Variants in ZNF385D observed in about 807,000 individuals in gnomAD.
ZNF385D encodes zinc finger protein 385D.
ZNF385D carries 15 observed loss-of-function variants against 35.8 expected under a neutral mutation model. The ratio of observed to expected loss-of-function variants is 0.42; its 90% CI spans 0.28 to 0.64. The LOEUF is 0.64. Among genes scored for constraint, ZNF385D ranks in the 30% least tolerant of loss-of-function variants. The pLI is 0.23. For missense variants in ZNF385D, 474 were observed against 494.6 expected (o/e 0.96, Z 0.39); for synonymous variants, 212 against 186.8 (o/e 1.13, Z -1.10).
chr3:22,025,116 A>G (rs1697458163), intron 3 of ZNF385D, among the ~76,000 whole-genome samples: 1 of 152,248 alleles, frequency 6.6e-6, no homozygotes, highest in South Asian at 2.1e-4. Flanking sequence ...GGGGACACTG[A>G]GTTTGTAAAT....
intron 3 of ZNF385D, among the ~76,000 whole-genome samples, chr3:21,556,723 G>A (rs1254943583): frequency 1.3e-5 from 2 of 151,546 alleles, no homozygotes; most frequent in Non-Finnish European, 3.0e-5. Flanking sequence ...AGAGTTAATG[G>A]TAGCTTGATG....
rs530662770 is a variant in ZNF385D, at chr3:21,444,947, C to A, written c.440-7744G>T. ...CCAGGTCACACACCTTGACTTGGGT[C>A]AGGCAACTGAGGGTTAAGCTAATGA... is the stretch of plus-strand genomic sequence containing the variant. On this transcript the variant is annotated intron_variant, in intron 4 of 7. Coordinates refer to ENST00000281523, the MANE Select transcript of ZNF385D (RefSeq NM_024697.3). Among the ~76,000 whole-genome samples, 185 of 152,260 alleles carry A rather than the reference C, an allele frequency of 1.2e-3. 1 individual carries two copies. The highest frequency in any genetic ancestry group is 6.8e-3 in the Middle Eastern group (2 of 294).
chr3:22,118,399 G>A (rs1244087331), intron 3 of ZNF385D, among the ~76,000 whole-genome samples: 2 of 151,996 alleles, frequency 1.3e-5, no homozygotes, highest in African/African-American at 4.8e-5. Context: ...AGAAATCCAA[G>A]CATGATGCTT....
chr3:22,005,884 G>C (rs551008379), intron 3 of ZNF385D, among the ~76,000 whole-genome samples: 43 of 152,122 alleles, frequency 2.8e-4, no homozygotes, highest in African/African-American at 1.0e-3. Flanking sequence ...GGAAAATATA[G>C]GTACTAAAGG....
chr3:21,613,240 A>G (rs987594853), intron 2 of ZNF385D, among the ~76,000 whole-genome samples: 2 of 152,130 alleles, frequency 1.3e-5, no homozygotes, highest in Non-Finnish European at 2.9e-5. Flanking sequence ...AGCTGAATGT[A>G]TACCCAACTC....
At position 22,286,889 on chromosome 3, in the gene ZNF385D, C is replaced by A. The variant is rs538077182; in HGVS notation, c.106+85561G>T. On this transcript the variant is annotated intron_variant, in intron 2 of 5. Coordinates refer to the ZNF385D transcript ENST00000494108. ...AATGTCCTACATGTGTTGGTTAGAT[C>A]CATCTGCTGTAAAGTGTAGTCCAAG... Among the ~76,000 whole-genome samples, 119 of 152,160 alleles carry A rather than the reference C, an allele frequency of 7.8e-4. 3 individuals are homozygous for A. The South Asian group carries it at 0.024, about 31-fold the overall frequency.
intron 2 of ZNF385D, among the ~76,000 whole-genome samples, chr3:22,217,734 G>T (rs541409682): frequency 4.1e-4 from 62 of 152,246 alleles, no homozygotes; most frequent in African/African-American, 1.4e-3. Flanking sequence ...TGAAAAGAAG[G>T]AGTAGAGAAC....
At chr3:21,568,782 C>G (rs187130217) in intron 2 of ZNF385D, among the ~76,000 whole-genome samples, 6 of 152,110 alleles carry the variant, frequency 3.9e-5, no homozygotes, top group African/African-American at 1.4e-4. Flanking sequence ...AAATACTGAT[C>G]TGAGAAAATT....
At chr3:21,932,274 C>A (rs575000582) in intron 3 of ZNF385D, among the ~76,000 whole-genome samples, 2 of 145,822 alleles carry the variant, frequency 1.4e-5, no homozygotes, top group South Asian at 4.5e-4. Context: ...GATATCTTTA[C>A]AACAAATATC....
chr3:21,638,593 C>A (rs1268476500), intron 2 of ZNF385D, among the ~76,000 whole-genome samples: 1 of 152,066 alleles, frequency 6.6e-6, no homozygotes, highest in Non-Finnish European at 1.5e-5. Flanking sequence ...AGTTATTTAT[C>A]TCTGACCTAG....
intron 3 of ZNF385D, among the ~76,000 whole-genome samples, chr3:21,831,521 A>G (rs1224889587): frequency 6.6e-6 from 1 of 152,136 alleles, no homozygotes; most frequent in Non-Finnish European, 1.5e-5. Context: ...TTAAACTCAG[A>G]CCTTTCTACA....
chr3:21,942,050 T>C lies in ZNF385D; in HGVS notation c.325+226767A>G, dbSNP rs374299619. Among the ~76,000 whole-genome samples the C allele has an allele frequency of 2.0e-5, 3 of 152,270 alleles. No individual in the cohort carries two copies. The South Asian group carries it at 6.2e-4, about 32-fold the overall frequency. On this transcript the variant is annotated intron_variant, in intron 3 of 5. Coordinates refer to the ZNF385D transcript ENST00000494108. ...AAAGAAAATATATACAACATACACA[T>C]GTGTATTGTCAAATGTATATGTTAT...
intron 3 of ZNF385D, among the ~76,000 whole-genome samples, chr3:21,557,059 G>A (rs969998037): frequency 3.3e-5 from 5 of 152,182 alleles, no homozygotes. Context: ...AGTGTTAGGA[G>A]ATGTTGGGCT....
At chr3:22,021,393 A>T (rs543504711) in intron 3 of ZNF385D, among the ~76,000 whole-genome samples, 1 of 152,180 alleles carries the variant, frequency 6.6e-6, no homozygotes, top group South Asian at 2.1e-4. Flanking sequence ...TTCAGGCATT[A>T]GAAGGATAGA....
intron 3 of ZNF385D, among the ~76,000 whole-genome samples, chr3:22,005,358 C>T (rs189091461): frequency 3.4e-4 from 51 of 152,028 alleles, no homozygotes; most frequent in Admixed American, 2.2e-3. Context: ...TTAACACAGT[C>T]ATTATGGAAA....
chr3:22,075,795 A>G (rs573113030), intron 3 of ZNF385D, among the ~76,000 whole-genome samples: 5 of 151,998 alleles, frequency 3.3e-5, no homozygotes, highest in East Asian at 1.9e-4. Flanking sequence ...TGCATTTCCT[A>G]TTCTCCTTTG....
rs143937679 is a variant in ZNF385D at position 21,568,755 on chromosome 3, A to C, written c.166-4071T>G. Among the ~76,000 whole-genome samples the C allele has an allele frequency of 1.6e-3, 246 of 152,298 alleles. 8 individuals are homozygous for C. In the South Asian group the frequency reaches 0.031, roughly 19 times the overall value. ...GTTTTTTAATTTACCATCATTGTTC[A>C]ATGCATACGTTTTAGAAAATACTGA... On this transcript the variant is annotated intron_variant, in intron 2 of 7. Transcript: ENST00000281523.
chr3:22,173,021 C>T (rs1559427083), intron 2 of ZNF385D, among the ~76,000 whole-genome samples: 1 of 152,170 alleles, frequency 6.6e-6, no homozygotes, highest in East Asian at 1.9e-4. Flanking sequence ...AGTGACAGGT[C>T]ACATTGATAG....
chr3:22,000,013 G>A (rs1695735262), intron 3 of ZNF385D, among the ~76,000 whole-genome samples: 2 of 152,180 alleles, frequency 1.3e-5, no homozygotes, highest in South Asian at 4.2e-4. Context: ...AATCCAAAAA[G>A]GTTTTATCTA....
Sources: gnomAD v4.1 joint callset for allele counts (sites outside exome capture counted in the v4.1 genomes callset) on GRCh38, gnomAD v4.1.1 for gene constraint, MANE v1.5 for transcripts, NCBI Gene and HGNC (gene_info 2026-07-23, HGNC 2026-07-21) for gene names.